The following HPSE2 variants were observed in gnomAD, a reference collection of about 807,000 sequenced individuals.
HPSE2 encodes the protein heparanase 2 (inactive).
In HPSE2, 38 loss-of-function variants were observed where a neutral mutation model predicts 60.5. The ratio of observed to expected loss-of-function variants is 0.63; its 90% CI spans 0.48 to 0.82. HPSE2 has a LOEUF of 0.82. HPSE2 is among the 40% of genes least tolerant of loss of function. The pLI, the probability that HPSE2 is intolerant of heterozygous loss-of-function variation, is 0.00. For synonymous variants in HPSE2, 295 were observed against 293.2 expected (o/e 1.01, Z -0.06); for missense variants, 713 against 740.4 (o/e 0.96, Z 0.43).
intron 6 of HPSE2, among the ~76,000 whole-genome samples, chr10:98,645,784 C>G (rs1263012764): frequency 6.6e-6 from 1 of 152,078 alleles, no homozygotes; most frequent in African/African-American, 2.4e-5. Flanking sequence ...CAAGACCATC[C>G]TGGCTAACAT....
chr10:99,138,820 G>A (rs150907738), intron 3 of HPSE2, among the ~76,000 whole-genome samples: 57 of 152,148 alleles, frequency 3.7e-4, no homozygotes, highest in East Asian at 1.4e-3. Context: ...GGAGCAAGCC[G>A]CCATGGCATG....
chr10:98,613,403 G>A (rs979710363), intron 9 of HPSE2, among the ~76,000 whole-genome samples: 2 of 152,158 alleles, frequency 1.3e-5, no homozygotes, highest in Admixed American at 6.5e-5. Context: ...GCAAATGTAA[G>A]CAATTATGCT....
At chr10:98,746,657 T>C (rs1032319269) in intron 3 of HPSE2, among the ~76,000 whole-genome samples, 1 of 152,046 alleles carries the variant, frequency 6.6e-6, no homozygotes, top group Admixed American at 6.6e-5. Flanking sequence ...TTTTCAATCA[T>C]AGTTGTCTAA....
At chr10:98,463,018 A>G (rs192935519) in intron 11 of HPSE2, among the ~76,000 whole-genome samples, 9 of 152,156 alleles carry the variant, frequency 5.9e-5, no homozygotes, top group Non-Finnish European at 1.3e-4. Context: ...CTGTACCCAG[A>G]AAGCTTGGAG....
At chr10:98,949,396 G>C (rs1259005266) in intron 3 of HPSE2, among the ~76,000 whole-genome samples, 1 of 151,622 alleles carries the variant, frequency 6.6e-6, no homozygotes, top group Non-Finnish European at 1.5e-5. Context: ...ACCAGAGCTG[G>C]GGAAAAAATT....
chr10:98,773,507 G>T (rs932532334), intron 3 of HPSE2, among the ~76,000 whole-genome samples: 10 of 152,242 alleles, frequency 6.6e-5, no homozygotes, highest in African/African-American at 2.4e-4. Context: ...TTTAAGTTGG[G>T]TCATCCTTAT....
At chr10:98,836,527 TA>T (rs35666118) in intron 3 of HPSE2, among the ~76,000 whole-genome samples, 15,599 of 152,046 alleles carry the variant, frequency 0.1, 1,975 homozygotes, top group African/African-American at 0.29. Flanking sequence ...TAACTTCTGA[TA>T]AAAAAAATTG....
intron 7 of HPSE2, 57 bp from the exon 8 acceptor site, chr10:98,620,765 T>A (rs1316315602): frequency 1.8e-6 from 2 of 1,136,290 alleles, no homozygotes; most frequent in Non-Finnish European, 2.6e-6. Flanking sequence ...TATTCCCACA[T>A]GAGAAGAAAC....
chr10:98,714,593 C>G (rs1948748848), intron 5 of HPSE2, among the ~76,000 whole-genome samples: 1 of 151,726 alleles, frequency 6.6e-6, no homozygotes, highest in Admixed American at 6.6e-5. Flanking sequence ...CACATTTTCC[C>G]TATTAATCAA....
intron 3 of HPSE2, among the ~76,000 whole-genome samples, chr10:99,050,135 CAA>C (rs1355980828): frequency 1.3e-5 from 2 of 151,802 alleles, no homozygotes; most frequent in African/African-American, 4.8e-5. Flanking sequence ...CTCATCTCTA[CAA>C]AAAAAGTGTT....
chr10:99,264,944 C>A, the HPSE2 span, among the ~76,000 whole-genome samples: 1 of 152,050 alleles, frequency 6.6e-6, no homozygotes, highest in Admixed American at 6.6e-5. Flanking sequence ...AAATTTTCAC[C>A]TCCCCAACAC....
intron 3 of HPSE2, among the ~76,000 whole-genome samples, chr10:98,971,578 G>A (rs560416550): frequency 3.3e-5 from 5 of 152,114 alleles, no homozygotes; most frequent in Middle Eastern, 3.4e-3. Flanking sequence ...ATTGCTGCCC[G>A]TTTATTTCAC....
chr10:98,935,698 A>G (rs1218795994), intron 3 of HPSE2, among the ~76,000 whole-genome samples: 1 of 143,984 alleles, frequency 6.9e-6, no homozygotes, highest in African/African-American at 2.8e-5. Flanking sequence ...TGCCAGCTGG[A>G]GCTCTCCTAT....
At chr10:98,598,030 T>C (rs1945294848) in intron 9 of HPSE2, among the ~76,000 whole-genome samples, 1 of 148,078 alleles carries the variant, frequency 6.8e-6, no homozygotes, top group Non-Finnish European at 1.5e-5. Context: ...ATGGATCCCA[T>C]AGGCTTTCTT....
At chr10:98,581,763 T>C (rs1202261327) in intron 9 of HPSE2, among the ~76,000 whole-genome samples, 2 of 152,342 alleles carry the variant, frequency 1.3e-5, no homozygotes, top group East Asian at 3.9e-4. Flanking sequence ...ATTCTAAACG[T>C]TGCCAGTCAT....
At chr10:99,258,408 T>C in the HPSE2 span, among the ~76,000 whole-genome samples, 4 of 151,784 alleles carry the variant, frequency 2.6e-5, no homozygotes, top group African/African-American at 9.7e-5. Flanking sequence ...TATATATATA[T>C]ACTTTGACCC....
intron 2 of HPSE2, among the ~76,000 whole-genome samples, chr10:99,192,901 A>G (rs551526759): frequency 2.8e-4 from 43 of 152,326 alleles, no homozygotes; most frequent in Non-Finnish European, 4.7e-4. Context: ...GGAGTTTTTC[A>G]TATATAAAAA....
intron 11 of HPSE2, among the ~76,000 whole-genome samples, chr10:98,472,168 C>T (rs1166004772): frequency 1.3e-5 from 2 of 151,622 alleles, no homozygotes; most frequent in Non-Finnish European, 2.9e-5. Context: ...TGCCTCAGAA[C>T]CTTAAGTATA....
chr10:98,536,847 T>G (rs1453120320), intron 9 of HPSE2, among the ~76,000 whole-genome samples: 4 of 152,032 alleles, frequency 2.6e-5, no homozygotes, highest in African/African-American at 9.7e-5. Context: ...TTCAAGGGAC[T>G]AAAATAAGTT....
Sources: gnomAD v4.1 joint callset for allele counts (sites outside exome capture counted in the v4.1 genomes callset) on GRCh38, gnomAD v4.1.1 for gene constraint, MANE v1.5 for transcripts, NCBI Gene and HGNC (gene_info 2026-07-23, HGNC 2026-07-21) for gene names.